DNAH5: variants seen among roughly 807,000 people sequenced by gnomAD.
DNAH5 encodes the protein axonemal beta dynein heavy chain 5.
In DNAH5, 372 loss-of-function variants were observed where a neutral mutation model predicts 518.2. The ratio of observed to expected loss-of-function variants is 0.72; its 90% CI spans 0.66 to 0.78. The LOEUF is 0.78. Ranked by LOEUF, DNAH5 falls within the 30% of genes least tolerant of loss-of-function variation. The pLI, the probability that DNAH5 is intolerant of heterozygous loss-of-function variation, is 0.00. For missense variants in DNAH5, 5,523 were observed against 5,687.0 expected, an observed-to-expected ratio of 0.97 and a Z score of 0.93; for synonymous variants, 2,039 against 2,025.9, an observed-to-expected ratio of 1.01 and a Z score of -0.17.
chr5:13,910,564 G>C (rs888800885), intron 12 of DNAH5, among the ~76,000 whole-genome samples: 4 of 152,164 alleles, frequency 2.6e-5, no homozygotes, highest in African/African-American at 9.7e-5. Flanking sequence ...TAGTCAGAAA[G>C]ATAGACATTT....
Position 13,830,203 on chromosome 5 carries a change from C to T in DNAH5, c.6072G>A (p.Gln2024=). 1 of 1,613,870 alleles carries T rather than the reference C, an allele frequency of 6.2e-7. No homozygotes were observed. The highest frequency in any genetic ancestry group is 1.1e-5 in the South Asian group (1 of 91,056). The change falls in exon 37 of 79, where the codon CAG becomes CAA. Residue 2024 remains glutamine (Q), a synonymous_variant. Coordinates refer to ENST00000265104, the MANE Select transcript of DNAH5 (RefSeq NM_001369.3). ...GLGRIFKGLA[Q]SGSWGCFDEF... ...CATCAAAACAACCCCAGGATCCAGA[C>T]TGTGCCAGTCCTTCGAAAGGAAATT...
intron 17 of DNAH5, among the ~76,000 whole-genome samples, chr5:13,889,906 T>A (rs1366129188): frequency 6.6e-6 from 1 of 152,050 alleles, no homozygotes; most frequent in African/African-American, 2.4e-5. Flanking sequence ...CTAGTGGGGG[T>A]GGTCTTGGAG....
upstream of DNAH5, among the ~76,000 whole-genome samples, chr5:13,948,707 C>T (rs1780123365): frequency 6.6e-6 from 1 of 152,100 alleles, no homozygotes; most frequent in Admixed American, 6.5e-5. Context: ...GTGGGCCTTG[C>T]AGGCAATTAA....
At chr5:13,790,068 C>G (rs1384032510) in intron 50 of DNAH5, among the ~76,000 whole-genome samples, 1 of 152,094 alleles carries the variant, frequency 6.6e-6, no homozygotes, top group African/African-American at 2.4e-5. Flanking sequence ...GGCAAGGTTG[C>G]AGAGAAAAGA....
chr5:13,845,026 A>G, intron 31 of DNAH5, 33 bp from the exon 32 acceptor site: 1 of 1,608,460 alleles, frequency 6.2e-7, no homozygotes, highest in Non-Finnish European at 8.5e-7. Context: ...AACCTTTATA[A>G]CCACACAAAG....
At chr5:13,940,159 TC>T (rs1160934548) in intron 1 of DNAH5, among the ~76,000 whole-genome samples, 2 of 152,154 alleles carry the variant, frequency 1.3e-5, no homozygotes, top group African/African-American at 2.4e-5. Context: ...TGTAGGCATA[TC>T]CCGGTGTCCA....
rs376649638 is a variant in DNAH5, at chr5:13,966,652, T to C, written c.13-35408A>G. On this transcript the variant is annotated intron_variant, in intron 1 of 78. Transcript: ENST00000681290. Reference sequence around the variant, plus strand: ...TTTTCATGTTTGTTGGCCATTTGTATATCTTCTTTTGAGAATTGTCTATTC... The same window carrying C: ...TTTTCATGTTTGTTGGCCATTTGTACATCTTCTTTTGAGAATTGTCTATTC... 3.9e-5 allele frequency among the ~76,000 whole-genome samples: 6 copies of C among 152,344 alleles called. No homozygotes were observed. In the East Asian group the frequency reaches 7.7e-4, roughly 20 times the overall value.
At chr5:13,758,255 AC>A (rs1316639618) in intron 61 of DNAH5, among the ~76,000 whole-genome samples, 1 of 152,002 alleles carries the variant, frequency 6.6e-6, no homozygotes, top group East Asian at 1.9e-4. Context: ...TGTAATCCCA[AC>A]CTTTGGGAGG....
At chr5:13,998,345 C>T (rs530110282) in intron 1 of DNAH5, among the ~76,000 whole-genome samples, 1 of 152,302 alleles carries the variant, frequency 6.6e-6, no homozygotes, top group South Asian at 2.1e-4. Flanking sequence ...GCCTTCACGA[C>T]CTAATAACTT....
At chr5:13,933,104 C>T (rs1184849465) in intron 1 of DNAH5, among the ~76,000 whole-genome samples, 4 of 152,168 alleles carry the variant, frequency 2.6e-5, no homozygotes, top group African/African-American at 9.7e-5. Context: ...CCAAATGGCC[C>T]CTGTGGGACA....
Position 13,737,474 on chromosome 5 carries a change from G to C in DNAH5, c.11233C>G (p.His3745Asp), listed in dbSNP as rs1390680289. ...TTTGCAGTTACATCTTCCATCAGAT[G>C]AGTTCTTTCTTTCTCCAATTCCTAT... ...EKQELEKERT[H>D]LMEDVTANKR... Residue 3745 changes from histidine to aspartate, a missense_variant, in exon 66 of 79, where the codon CAT (histidine) becomes GAT (aspartate). This residue lies in a region of DNAH5 where 5,121 missense variants were observed against 5,223.3 expected (regional missense o/e 0.98). Transcript: ENST00000265104. 6.2e-7 allele frequency: 1 copy of C among 1,613,904 alleles called. No homozygotes were observed.
At chr5:13,787,207 A>T (rs1375445869) in intron 51 of DNAH5, among the ~76,000 whole-genome samples, 1 of 151,944 alleles carries the variant, frequency 6.6e-6, no homozygotes, top group African/African-American at 2.4e-5. Context: ...CTGTTTCAAA[A>T]AAAAAAAAAA....
rs1052278675 is a variant in DNAH5, at chr5:13,821,421, T to G, written c.6688-922A>C. Among the ~76,000 whole-genome samples, 4 of 152,096 alleles carry G rather than the reference T, an allele frequency of 2.6e-5. 1 individual carries two copies. Among genetic ancestry groups the G allele is most frequent in the Non-Finnish European group, 4.4e-5 (3 of 68,026 alleles). Reference sequence around the variant, plus strand: ...TATGGAAGTTACTCTGTGCCAAATATTATTCTAAGATCAATCTTTATAATA... The same window carrying G: ...TATGGAAGTTACTCTGTGCCAAATAGTATTCTAAGATCAATCTTTATAATA... On this transcript the variant is annotated intron_variant, in intron 40 of 78. Coordinates refer to ENST00000265104, the MANE Select transcript of DNAH5 (RefSeq NM_001369.3).
At chr5:13,807,831 T>A in intron 46 of DNAH5, 106 bp from the exon 47 acceptor site, 1 of 936,418 alleles carries the variant, frequency 1.1e-6, no homozygotes, top group Non-Finnish European at 1.6e-6. Flanking sequence ...CCTAGTACCT[T>A]AAAATGTGAT....
chr5:13,886,522 A>G (rs1046876941), intron 17 of DNAH5, among the ~76,000 whole-genome samples: 1 of 152,150 alleles, frequency 6.6e-6, no homozygotes, highest in Non-Finnish European at 1.5e-5. Flanking sequence ...CAAAGACACT[A>G]CCCACCCTTC....
At chr5:13,994,749 C>T (rs1431398070) in intron 1 of DNAH5, among the ~76,000 whole-genome samples, 2 of 152,166 alleles carry the variant, frequency 1.3e-5, no homozygotes, top group Non-Finnish European at 2.9e-5. Flanking sequence ...GCCTCTTCCC[C>T]TTGGCTCTGA....
chr5:13,990,501 C>T (rs144082882), intron 1 of DNAH5, among the ~76,000 whole-genome samples: 39 of 151,712 alleles, frequency 2.6e-4, no homozygotes, highest in Non-Finnish European at 4.4e-4. Flanking sequence ...TGCAGCAAGC[C>T]GAGATCGCAC....
intron 28 of DNAH5, 109 bp from the exon 29 acceptor site, chr5:13,862,856 A>C (rs535240035): frequency 1.0e-5 from 3 of 297,494 alleles, no homozygotes; most frequent in South Asian, 1.5e-4. Flanking sequence ...ATATATAAAT[A>C]TATATATAAA....
At chr5:13,931,359 C>G in intron 1 of DNAH5, 115 bp from the exon 2 acceptor site, 1 of 1,223,870 alleles carries the variant, frequency 8.2e-7, no homozygotes, top group South Asian at 1.3e-5. Context: ...AGATAATAGA[C>G]AGCTTAATGG....
Sources: allele counts gnomAD v4.1 joint callset (sites outside exome capture counted in the v4.1 genomes callset), GRCh38; gene constraint gnomAD v4.1.1; regional missense constraint gnomAD v4.1.1; transcripts MANE v1.5; gene names NCBI Gene and HGNC (gene_info 2026-07-23, HGNC 2026-07-21).